Variants in KDM2B observed in about 807,000 individuals in gnomAD.
The protein encoded by KDM2B is lysine-specific demethylase 2B.
KDM2B carries 26 observed loss-of-function variants against 150.0 expected under a neutral mutation model. The observed-to-expected ratio is 0.17, with a 90% CI of 0.13 to 0.24. KDM2B has a LOEUF of 0.24. Ranked by LOEUF, KDM2B falls within the 10% of genes least tolerant of loss-of-function variation. The probability of loss-of-function intolerance (pLI) is 1.00; values close to 1 mark genes in which losing one functional copy is unlikely to be tolerated. For missense variants in KDM2B, 1,265 were observed against 1,816.9 expected, an observed-to-expected ratio of 0.70 and a Z score of 5.52; for synonymous variants, 734 against 729.5, an observed-to-expected ratio of 1.01 and a Z score of -0.10.
At chr12:121,561,934 G>A (rs1890365633) in intron 4 of KDM2B, among the ~76,000 whole-genome samples, 1 of 152,338 alleles carries the variant, frequency 6.6e-6, no homozygotes, top group Admixed American at 6.5e-5. Flanking sequence ...CACTTTGGGA[G>A]GCTGAGGTAG....
At chr12:121,480,959 GCT>G (rs1295825899) in intron 12 of KDM2B, among the ~76,000 whole-genome samples, 1 of 143,704 alleles carries the variant, frequency 7.0e-6, no homozygotes, top group Non-Finnish European at 1.5e-5. Flanking sequence ...ATGGAGTCTC[GCT>G]CTGTCGCCCA....
chr12:121,509,378 A>G (rs1885377308), intron 11 of KDM2B, among the ~76,000 whole-genome samples, 189 bp downstream of exon 11: 1 of 151,614 alleles, frequency 6.6e-6, no homozygotes, highest in Non-Finnish European at 1.5e-5. Flanking sequence ...GCTCTTAATG[A>G]TGGCCTCTGC....
chr12:121,471,369 G>A (rs782544350), intron 12 of KDM2B, among the ~76,000 whole-genome samples: 3 of 152,122 alleles, frequency 2.0e-5, no homozygotes, highest in Admixed American at 1.3e-4. Flanking sequence ...GATGGAAGCC[G>A]AGTCCTCCTC....
intron 12 of KDM2B, chr12:121,494,036 TTAG>T (rs1360326635): frequency 1.3e-5 from 2 of 154,672 alleles, no homozygotes; most frequent in African/African-American, 4.8e-5. Flanking sequence ...TTTTGTATTT[TTAG>T]TAGAGACGGG....
At chr12:121,511,506 G>A (rs561883956) in intron 10 of KDM2B, among the ~76,000 whole-genome samples, 4 of 151,890 alleles carry the variant, frequency 2.6e-5, no homozygotes, top group Non-Finnish European at 4.4e-5. Context: ...GGCTGATCTC[G>A]AACTCCTGAC....
At chr12:121,522,821 C>G (rs1360221287) in intron 8 of KDM2B, among the ~76,000 whole-genome samples, 1 of 152,190 alleles carries the variant, frequency 6.6e-6, no homozygotes, top group Non-Finnish European at 1.5e-5. Context: ...GCACTCCAGC[C>G]TGGGAGACAG....
intron 4 of KDM2B, among the ~76,000 whole-genome samples, chr12:121,550,622 T>C (rs1466040337): frequency 1.1e-4 from 17 of 152,202 alleles, no homozygotes; most frequent in African/African-American, 3.9e-4. Context: ...GCCTCCTGAA[T>C]AGCTGGGATT....
chr12:121,524,312 G>A (rs1457542032), intron 8 of KDM2B, among the ~76,000 whole-genome samples: 3 of 152,178 alleles, frequency 2.0e-5, no homozygotes, highest in Admixed American at 1.3e-4. Context: ...GGTAGAGGAT[G>A]GTGCCCACAT....
chr12:121,443,796 A>G lies in KDM2B; in HGVS notation c.2452-3T>C, dbSNP rs782698081. 6.4e-7 allele frequency: 1 copy of G among 1,558,658 alleles called. No individual in the cohort carries two copies. The highest frequency in any genetic ancestry group is 2.2e-5 in the East Asian group (1 of 44,666). ...GGGGACGTTTGAAGCGATGAGGCCTAAAGGGGGGTGGAGTGGGAAGAGGAG... is the reference window on the plus strand; with the variant it reads ...GGGGACGTTTGAAGCGATGAGGCCTGAAGGGGGGTGGAGTGGGAAGAGGAG... On this transcript the variant is annotated splice_region_variant and splice_polypyrimidine_tract_variant and intron_variant, in intron 16 of 22. Coordinates refer to ENST00000377071, the MANE Select transcript of KDM2B (RefSeq NM_032590.5).
At chr12:121,529,628 A>G (rs977494929) in intron 8 of KDM2B, among the ~76,000 whole-genome samples, 1 of 151,788 alleles carries the variant, frequency 6.6e-6, no homozygotes, top group Non-Finnish European at 1.5e-5. Flanking sequence ...CCTGGGGAGG[A>G]CCTAAAATAC....
intron 12 of KDM2B, among the ~76,000 whole-genome samples, chr12:121,482,220 T>C (rs1391829369): frequency 2.6e-5 from 4 of 152,160 alleles, no homozygotes; most frequent in South Asian, 2.1e-4. Context: ...AAACAGACAA[T>C]GCTGAAAAAT....
chr12:121,411,013 T>C, the KDM2B span, among the ~76,000 whole-genome samples: 1 of 152,126 alleles, frequency 6.6e-6, no homozygotes, highest in South Asian at 2.1e-4. Flanking sequence ...TAGCTCACCA[T>C]AGTCTCAACC....
downstream of KDM2B, among the ~76,000 whole-genome samples, chr12:121,424,741 A>C (rs1555284025): frequency 6.6e-6 from 1 of 152,096 alleles, no homozygotes; most frequent in African/African-American, 2.4e-5. Flanking sequence ...AAAAGAAAAA[A>C]ACAATGCCAC....
chr12:121,420,859 T>G, the KDM2B span: 33 of 1,032,158 alleles, frequency 3.2e-5, no homozygotes, highest in Non-Finnish European at 4.5e-5. Flanking sequence ...CACAATTAAG[T>G]CAAATTTATT....
At chr12:121,487,012 T>C (rs1882838893) in intron 12 of KDM2B, among the ~76,000 whole-genome samples, 1 of 151,850 alleles carries the variant, frequency 6.6e-6, no homozygotes, top group South Asian at 2.1e-4. Context: ...TGGCGGCGCA[T>C]GCCTGTGGTC....
At chr12:121,544,240 A>G (rs1385912201) in intron 6 of KDM2B, among the ~76,000 whole-genome samples, 5 of 152,002 alleles carry the variant, frequency 3.3e-5, no homozygotes, top group African/African-American at 1.2e-4. Flanking sequence ...GGCTGCAGTA[A>G]GCTAGGACTG....
chr12:121,539,326 C>CAAAAAA (rs60048517), intron 6 of KDM2B, among the ~76,000 whole-genome samples: 15 of 58,606 alleles, frequency 2.6e-4, no homozygotes, highest in South Asian at 2.5e-3. Flanking sequence ...GACCCTCTCC[C>CAAAAAA]AAAAAAAAAA....
At position 121,549,063 on chromosome 12, in the gene KDM2B, TG is replaced by T; in HGVS notation, c.577-81del. 8.3e-7 allele frequency: 1 copy of T among 1,200,048 alleles called. No homozygotes were observed. Among genetic ancestry groups the T allele is most frequent in the Admixed American group, 1.8e-5 (1 of 54,640 alleles). 74.3% of individuals were successfully genotyped at this position (1,200,048 alleles called of 1,614,324 possible). On this transcript the variant is annotated intron_variant, in intron 5 of 22. Transcript: ENST00000377071. The surrounding 1 kb of genome is among the most constrained non-coding windows in gnomAD (Gnocchi z 4.4). ...AATACCCCTTTCCCCGGAGAGTCCTTGGGCCCCCCCGCTCCCCCAATCTACT... is the reference window on the plus strand; with the variant it reads ...AATACCCCTTTCCCCGGAGAGTCCTTGGCCCCCCCGCTCCCCCAATCTACT...
chr12:121,425,306 C>CAA (rs562993599), downstream of KDM2B, among the ~76,000 whole-genome samples: 102 of 79,076 alleles, frequency 1.3e-3, 1 homozygote, highest in Admixed American at 1.8e-3. Flanking sequence ...AACTCCGTCT[C>CAA]AAAAAAAAAA....
Sources: allele counts gnomAD v4.1 joint callset (sites outside exome capture counted in the v4.1 genomes callset), GRCh38; gene constraint gnomAD v4.1.1; non-coding constraint Gnocchi (gnomAD v3.1); transcripts MANE v1.5; gene names NCBI Gene and HGNC (gene_info 2026-07-23, HGNC 2026-07-21).